Variants in USP25 observed in about 807,000 individuals in gnomAD.
The protein encoded by USP25 is ubiquitin specific peptidase 25, also known as ubiquitin carboxyl-terminal hydrolase 25.
Under a neutral mutation model 158.5 loss-of-function variants are expected in USP25, and 85 were observed. The observed-to-expected ratio is 0.54, with a 90% CI of 0.45 to 0.64. The LOEUF (loss-of-function observed/expected upper bound fraction) is 0.64, where lower values mean the gene tolerates loss of function less well. Among genes scored for constraint, USP25 ranks in the 30% least tolerant of loss-of-function variants. USP25 has a pLI of 0.00. For missense variants in USP25, 1,242 were observed against 1,327.3 expected (o/e 0.94, Z 1.00); for synonymous variants, 464 against 460.4 (o/e 1.01, Z -0.10).
intron 17 of USP25, among the ~76,000 whole-genome samples, chr21:15,840,100 T>C (rs1328300166): frequency 2.0e-5 from 3 of 152,072 alleles, no homozygotes; most frequent in African/African-American, 7.2e-5. Context: ...AGGGATTTTA[T>C]GAATCTTTGA....
At chr21:15,839,497 A>G (rs986268396) in intron 17 of USP25, among the ~76,000 whole-genome samples, 3 of 152,188 alleles carry the variant, frequency 2.0e-5, no homozygotes, top group African/African-American at 7.2e-5. Context: ...TGTTACATTG[A>G]ATAGAGAGTA....
chr21:15,747,309 G>C (rs1451668669), intron 1 of USP25, among the ~76,000 whole-genome samples: 1 of 151,920 alleles, frequency 6.6e-6, no homozygotes, highest in African/African-American at 2.4e-5. Flanking sequence ...TTTTGAAAGA[G>C]ACTACATTCA....
At chr21:15,862,047 A>G (rs2146544645) in intron 20 of USP25, among the ~76,000 whole-genome samples, 1 of 152,198 alleles carries the variant, frequency 6.6e-6, no homozygotes, top group South Asian at 2.1e-4. Context: ...AACAGCTTCT[A>G]TTTTGAAAGT....
At chr21:15,867,927 T>C (rs2039727459) in intron 22 of USP25, among the ~76,000 whole-genome samples, 1 of 152,062 alleles carries the variant, frequency 6.6e-6, no homozygotes, top group East Asian at 1.9e-4. Context: ...ATATCACTTT[T>C]CCCCCAAATG....
chr21:15,781,569 T>G (rs2034966134), intron 4 of USP25, among the ~76,000 whole-genome samples: 1 of 152,186 alleles, frequency 6.6e-6, no homozygotes, highest in Admixed American at 6.5e-5. Context: ...CTGGAGTGAC[T>G]GAGGAAATGC....
At chr21:15,854,727 G>A (rs946710106) in intron 20 of USP25, among the ~76,000 whole-genome samples, 2 of 152,068 alleles carry the variant, frequency 1.3e-5, no homozygotes, top group African/African-American at 4.8e-5. Flanking sequence ...TCCGAATTAG[G>A]AAGTTACCAA....
At chr21:15,846,872 A>G (rs1424543814) in intron 18 of USP25, among the ~76,000 whole-genome samples, 1 of 152,170 alleles carries the variant, frequency 6.6e-6, no homozygotes, top group Non-Finnish European at 1.5e-5. Flanking sequence ...AAATTTTCTG[A>G]ATTTTACACT....
At chr21:15,825,136 ATTTGC>A in intron 12 of USP25, 75 bp downstream of exon 12, 1 of 1,151,874 alleles carries the variant, frequency 8.7e-7, no homozygotes, top group Non-Finnish European at 1.2e-6. Flanking sequence ...TTAATTTCAA[ATTTGC>A]TTTGAGTGAT....
intron 1 of USP25, among the ~76,000 whole-genome samples, chr21:15,756,126 G>A (rs531527327): frequency 2.2e-4 from 33 of 152,294 alleles, no homozygotes; most frequent in African/African-American, 7.7e-4. Context: ...TCTGGGTATG[G>A]TATGCCCAGG....
chr21:15,876,960 C>T (rs958907492), intron 24 of USP25: 1 of 151,972 alleles, frequency 6.6e-6, no homozygotes, highest in Non-Finnish European at 1.5e-5. Context: ...CTGTATTTAT[C>T]TCTTATGTTT....
At chr21:15,823,048 T>C (rs2037312593) in intron 10 of USP25, among the ~76,000 whole-genome samples, 3 of 152,040 alleles carry the variant, frequency 2.0e-5, no homozygotes. Flanking sequence ...CCATTCATGC[T>C]TTTTTTGGAT....
chr21:15,875,172 C>T lies in USP25; in HGVS notation c.3009+646C>T, dbSNP rs1046635746. On this transcript the variant is annotated intron_variant, in intron 24 of 25. Transcript: ENST00000400183. The surrounding 1 kb of genome is among the most constrained non-coding windows in gnomAD (Gnocchi z 4.7). ...GGCAACCAGGTGACAGAGCAAGACT[C>T]TGTCTCAAAAAAACAAGAATATACA... is the stretch of plus-strand genomic sequence containing the variant. Among the ~76,000 whole-genome samples the T allele has an allele frequency of 9.2e-5, 14 of 152,070 alleles. No individual in the cohort carries two copies. The highest frequency in any genetic ancestry group is 3.1e-4 in the African/African-American group (13 of 41,404).
chr21:15,767,317 C>T (rs2034098267), intron 3 of USP25, among the ~76,000 whole-genome samples: 1 of 151,996 alleles, frequency 6.6e-6, no homozygotes, highest in African/African-American at 2.4e-5. Flanking sequence ...CCTCCCTAGC[C>T]TAATTTGTTC....
At chr21:15,789,066 T>G (rs769024673) in intron 4 of USP25, among the ~76,000 whole-genome samples, 1 of 152,072 alleles carries the variant, frequency 6.6e-6, no homozygotes, top group Non-Finnish European at 1.5e-5. Context: ...AGGCTTTACT[T>G]GCTCCTAGAA....
intron 17 of USP25, among the ~76,000 whole-genome samples, chr21:15,841,457 C>T (rs2038330325): frequency 6.6e-6 from 1 of 152,074 alleles, no homozygotes; most frequent in African/African-American, 2.4e-5. Flanking sequence ...TCATCTCTTG[C>T]CATTTCTCCA....
intron 4 of USP25, among the ~76,000 whole-genome samples, chr21:15,782,389 C>G (rs543907782): frequency 2.6e-5 from 4 of 152,178 alleles, no homozygotes; most frequent in Admixed American, 1.3e-4. Context: ...GCACTCTTTC[C>G]GCAGCTCAAC....
At chr21:15,764,976 A>C (rs1451684154) in intron 2 of USP25, among the ~76,000 whole-genome samples, 1 of 152,100 alleles carries the variant, frequency 6.6e-6, no homozygotes, top group Non-Finnish European at 1.5e-5. Context: ...ACATTTAATA[A>C]GATAGCAATA....
chr21:15,811,948 C>T (rs539654628), intron 9 of USP25, among the ~76,000 whole-genome samples: 44 of 152,088 alleles, frequency 2.9e-4, no homozygotes, highest in African/African-American at 9.9e-4. Flanking sequence ...TTTTTCTTCA[C>T]GATCTTAAGT....
chr21:15,852,257 C>CT (rs966995291), intron 20 of USP25, among the ~76,000 whole-genome samples: 53 of 149,168 alleles, frequency 3.6e-4, no homozygotes, highest in Middle Eastern at 6.9e-3. Flanking sequence ...CCCTTTCTTG[C>CT]TTTTTTTTTT....
Sources: allele counts gnomAD v4.1 joint callset (sites outside exome capture counted in the v4.1 genomes callset), GRCh38; gene constraint gnomAD v4.1.1; non-coding constraint Gnocchi (gnomAD v3.1); transcripts MANE v1.5; gene names NCBI Gene and HGNC (gene_info 2026-07-23, HGNC 2026-07-21).